The following MAML2 variants were observed in gnomAD, a reference collection of about 807,000 sequenced individuals.
MAML2 encodes the protein mastermind-like protein 2.
MAML2 carries 22 observed loss-of-function variants against 96.1 expected under a neutral mutation model. That is an observed-to-expected ratio of 0.23 (90% CI 0.16 to 0.33). MAML2 has a LOEUF of 0.33. Among genes scored for constraint, MAML2 ranks in the 10% least tolerant of loss-of-function variants. The pLI, the probability that MAML2 is intolerant of heterozygous loss-of-function variation, is 1.00. For missense variants in MAML2, 1,367 were observed against 1,392.4 expected, an observed-to-expected ratio of 0.98 and a Z score of 0.29; for synonymous variants, 561 against 521.3, an observed-to-expected ratio of 1.08 and a Z score of -1.04.
chr11:96,098,348 A>T (rs1157407817), intron 1 of MAML2, among the ~76,000 whole-genome samples: 1 of 152,246 alleles, frequency 6.6e-6, no homozygotes, highest in Non-Finnish European at 1.5e-5. Context: ...TGATTAAGCC[A>T]GCAGCAGGAT....
intron 1 of MAML2, among the ~76,000 whole-genome samples, chr11:96,302,370 C>T (rs1281368994): frequency 6.6e-6 from 1 of 152,216 alleles, no homozygotes; most frequent in Non-Finnish European, 1.5e-5. Flanking sequence ...CTGGCTCACT[C>T]AGCATCCATT....
intron 2 of MAML2, among the ~76,000 whole-genome samples, chr11:96,039,546 T>C (rs1010682160): frequency 6.6e-5 from 10 of 152,090 alleles, no homozygotes; most frequent in African/African-American, 2.4e-4. Context: ...GCATTGAATA[T>C]GGGAAGGTTT....
At position 96,169,900 on chromosome 11, in the gene MAML2, G is replaced by A. The variant is rs368044349; in HGVS notation, c.514-76383C>T. 1.6e-4 allele frequency among the ~76,000 whole-genome samples: 25 copies of A among 152,320 alleles called. No individual in the cohort carries two copies. In the South Asian group the frequency reaches 4.1e-3, roughly 25 times the overall value. ...AATCTTTTGACCTCGTGATCTGCCC[G>A]TCTCGGCCTCCCAAAGTATTGGGAT... On this transcript the variant is annotated intron_variant, in intron 1 of 4. Transcript: ENST00000524717.
intron 1 of MAML2, among the ~76,000 whole-genome samples, chr11:96,131,581 T>C (rs1393817650): frequency 6.6e-6 from 1 of 152,192 alleles, no homozygotes; most frequent in Non-Finnish European, 1.5e-5. Context: ...GGCAAACTGA[T>C]AGATTCAGAA....
chr11:96,097,664 A>G (rs921764229), intron 1 of MAML2, among the ~76,000 whole-genome samples: 6 of 152,084 alleles, frequency 3.9e-5, no homozygotes, highest in Non-Finnish European at 8.8e-5. Flanking sequence ...AAATATATTA[A>G]TTTATCTTTT....
chr11:96,226,867 C>G (rs1396765464), intron 1 of MAML2, among the ~76,000 whole-genome samples: 1 of 152,140 alleles, frequency 6.6e-6, no homozygotes. Context: ...CCCCTAAAAA[C>G]TTTAAATTTG....
chr11:96,299,275 A>T (rs1178003418), intron 1 of MAML2, among the ~76,000 whole-genome samples: 1 of 149,950 alleles, frequency 6.7e-6, no homozygotes, highest in African/African-American at 2.5e-5. Context: ...GGCACAAGTT[A>T]AAACATCATA....
At chr11:96,273,930 TATTTTTAC>T (rs888303107) in intron 1 of MAML2, among the ~76,000 whole-genome samples, 4 of 152,110 alleles carry the variant, frequency 2.6e-5, no homozygotes, top group African/African-American at 9.7e-5. Flanking sequence ...GTCAAATCCT[TATTTTTAC>T]ATTTTTACAA....
chr11:96,235,128 T>C (rs1314654374), intron 1 of MAML2, among the ~76,000 whole-genome samples: 2 of 152,122 alleles, frequency 1.3e-5, no homozygotes, highest in Admixed American at 6.5e-5. Flanking sequence ...AAATTGACAT[T>C]CTCCATAACA....
Position 96,154,483 on chromosome 11 carries a change from T to C in MAML2, c.514-60966A>G, listed in dbSNP as rs545384740. Among the ~76,000 whole-genome samples, 8 of 152,388 alleles carry C rather than the reference T, an allele frequency of 5.2e-5. No individual in the cohort carries two copies. The East Asian group carries it at 1.3e-3, about 26-fold the overall frequency. ...CTCTGCAGCTTTTATCTGCATATCA[T>C]AGTCTTCCCTTTAGAACTTGTAGGC... On this transcript the variant is annotated intron_variant, in intron 1 of 4. Transcript: ENST00000524717.
chr11:96,089,650 T>TA (rs1275090998), intron 2 of MAML2, among the ~76,000 whole-genome samples: 1 of 152,206 alleles, frequency 6.6e-6, no homozygotes, highest in Non-Finnish European at 1.5e-5. Flanking sequence ...GGGCAATACT[T>TA]ACTTGACTAC....
In MAML2 at chr11:96,159,406, TC is replaced by T. The variant is rs201771732; in HGVS notation, c.514-65890del. On this transcript the variant is annotated intron_variant, in intron 1 of 4. Transcript: ENST00000524717. ...CTAACCGTGCCTCTAAACCACTGAT[TC>T]TTTTTTTTTTTTTTTTTTTTTTTGA... Among the ~76,000 whole-genome samples, 912 of 112,670 alleles carry T rather than the reference TC, an allele frequency of 8.1e-3. 158 individuals are homozygous for T. The highest frequency in any genetic ancestry group is 0.012 in the Non-Finnish European group (680 of 55,194). The allele number at this position is 112,670 out of a possible 152,430, so 73.9% of individuals were successfully genotyped here. A position where few individuals can be genotyped will look rare whatever the true frequency, so the allele number is the denominator to read the frequency against.
intron 1 of MAML2, among the ~76,000 whole-genome samples, chr11:96,224,653 T>C (rs1027694330): frequency 6.6e-6 from 1 of 152,244 alleles, no homozygotes; most frequent in African/African-American, 2.4e-5. Flanking sequence ...CCATCATCTC[T>C]GTTATACTCT....
At chr11:96,245,022 C>A (rs968078255) in intron 1 of MAML2, among the ~76,000 whole-genome samples, 1 of 152,132 alleles carries the variant, frequency 6.6e-6, no homozygotes, top group Non-Finnish European at 1.5e-5. Context: ...ACTGTAGAAA[C>A]AATGAATAAT....
At chr11:96,124,860 A>G (rs1254582443) in intron 1 of MAML2, among the ~76,000 whole-genome samples, 1 of 152,176 alleles carries the variant, frequency 6.6e-6, no homozygotes, top group Non-Finnish European at 1.5e-5. Context: ...TGCAAAAAGA[A>G]GCTGCTTATG....
chr11:96,335,238 C>A (rs1591138399), intron 1 of MAML2, among the ~76,000 whole-genome samples: 1 of 152,118 alleles, frequency 6.6e-6, no homozygotes, highest in Admixed American at 6.5e-5. Flanking sequence ...TCTCAAAGAC[C>A]ATCTAAAATA....
At chr11:96,030,099 A>G (rs1199762152) in intron 2 of MAML2, among the ~76,000 whole-genome samples, 3 of 152,122 alleles carry the variant, frequency 2.0e-5, no homozygotes, top group Non-Finnish European at 4.4e-5. Context: ...CGGGCGTGGT[A>G]GCGGACACCT....
intron 2 of MAML2, among the ~76,000 whole-genome samples, chr11:96,062,799 T>A (rs1859185262): frequency 6.6e-6 from 1 of 152,186 alleles, no homozygotes; most frequent in Non-Finnish European, 1.5e-5. Context: ...ATTTTGTACC[T>A]AAGAACATTT....
At chr11:96,209,007 C>T (rs1861931248) in intron 1 of MAML2, among the ~76,000 whole-genome samples, 1 of 152,118 alleles carries the variant, frequency 6.6e-6, no homozygotes, top group Non-Finnish European at 1.5e-5. Flanking sequence ...GCATCAGAAT[C>T]ATCAAAGTGC....
Sources: allele counts gnomAD v4.1 joint callset (sites outside exome capture counted in the v4.1 genomes callset), GRCh38; gene constraint gnomAD v4.1.1; transcripts MANE v1.5; gene names NCBI Gene and HGNC (gene_info 2026-07-23, HGNC 2026-07-21).